Variants in SAMD12 observed in about 807,000 individuals in gnomAD.
SAMD12 encodes sterile alpha motif domain containing 12.
In SAMD12, 9 loss-of-function variants were observed where a neutral mutation model predicts 15.0. That is an observed-to-expected ratio of 0.60 (90% CI 0.36 to 1.05). The LOEUF (loss-of-function observed/expected upper bound fraction) is 1.05, where lower values mean the gene tolerates loss of function less well. Among genes scored for constraint, SAMD12 ranks in the 50% least tolerant of loss-of-function variants. The pLI, the probability that SAMD12 is intolerant of heterozygous loss-of-function variation, is 0.01. For synonymous variants in SAMD12, 86 were observed against 90.1 expected, an observed-to-expected ratio of 0.96 and a Z score of 0.25; for missense variants, 230 against 234.2, an observed-to-expected ratio of 0.98 and a Z score of 0.12.
At chr8:118,609,577 A>G (rs1828059177) in intron 1 of SAMD12, among the ~76,000 whole-genome samples, 1 of 152,192 alleles carries the variant, frequency 6.6e-6, no homozygotes. Flanking sequence ...GCGATTATGT[A>G]TCTACCACTC....
rs540618576 is a variant in SAMD12, at chr8:118,244,499, A to G, written c.434-46767T>C. ...GCCATTGGCTTTTTTAATCACTGGG[A>G]TTTTGAAACATTTGCAGTCCTTTCC... On this transcript the variant is annotated intron_variant, in intron 4 of 4. Transcript: ENST00000409003. Among the ~76,000 whole-genome samples the G allele has an allele frequency of 1.1e-4, 16 of 152,194 alleles. No individual in the cohort carries two copies. The East Asian group carries it at 3.1e-3, about 29-fold the overall frequency.
intron 4 of SAMD12, among the ~76,000 whole-genome samples, chr8:118,240,318 C>T (rs1057077814): frequency 1.8e-4 from 27 of 152,198 alleles, no homozygotes; most frequent in African/African-American, 6.0e-4. Flanking sequence ...TTGTGACTCT[C>T]AGAAACCATG....
At chr8:118,348,081 T>C (rs1038926112) in intron 4 of SAMD12, among the ~76,000 whole-genome samples, 2 of 152,170 alleles carry the variant, frequency 1.3e-5, no homozygotes, top group African/African-American at 4.8e-5. Flanking sequence ...TCATTTTTAT[T>C]TTTTATATTT....
chr8:118,141,376 GT>G, the SAMD12 span, among the ~76,000 whole-genome samples: 1 of 152,186 alleles, frequency 6.6e-6, no homozygotes, highest in African/African-American at 2.4e-5. Flanking sequence ...CTCATTAGAA[GT>G]TTATCAATAA....
chr8:118,172,770 T>C, the SAMD12 span, among the ~76,000 whole-genome samples: 10 of 152,200 alleles, frequency 6.6e-5, no homozygotes, highest in African/African-American at 2.4e-4. Context: ...TAAGAGCACC[T>C]GAGAGCTCCT....
intron 1 of SAMD12, among the ~76,000 whole-genome samples, chr8:118,613,827 A>G (rs74890823): frequency 0.021 from 3,158 of 152,276 alleles, 51 homozygotes; most frequent in Middle Eastern, 0.044. Flanking sequence ...TGATGATCAG[A>G]CAATCAGAGA....
intron 1 of SAMD12, among the ~76,000 whole-genome samples, chr8:118,581,931 C>T (rs898677839): frequency 6.6e-6 from 1 of 152,102 alleles, no homozygotes; most frequent in African/African-American, 2.4e-5. Flanking sequence ...CAGGTCTCCA[C>T]TTCATCAATA....
At position 118,568,129 on chromosome 8, in the gene SAMD12, A is replaced by G. The variant is rs562019988; in HGVS notation, c.192+12586T>C. On this transcript the variant is annotated intron_variant, in intron 2 of 3. Transcript: ENST00000314727. ...AAGAAATTACAAGACAGAATCAGGGATCAGGGGCCTTGGAAGAGAGGACAC... is the reference window on the plus strand; with the variant it reads ...AAGAAATTACAAGACAGAATCAGGGGTCAGGGGCCTTGGAAGAGAGGACAC... Among the ~76,000 whole-genome samples the G allele has an allele frequency of 2.0e-5, 3 of 152,340 alleles. No individual in the cohort carries two copies. In the South Asian group the frequency reaches 6.2e-4, roughly 32 times the overall value.
intron 3 of SAMD12, among the ~76,000 whole-genome samples, chr8:118,405,399 C>T (rs752970009): frequency 5.0e-5 from 7 of 138,886 alleles, no homozygotes; most frequent in Admixed American, 2.2e-4. Context: ...TACTCAACAC[C>T]GATAAATCTG....
intron 3 of SAMD12, chr8:118,394,903 C>T (rs1820477120): frequency 6.6e-6 from 1 of 152,202 alleles, no homozygotes; most frequent in Admixed American, 6.6e-5. Context: ...CTGGCTGGCT[C>T]TCAAAGATGG....
intron 4 of SAMD12, among the ~76,000 whole-genome samples, chr8:118,372,211 T>C (rs1819139572): frequency 6.6e-6 from 1 of 152,274 alleles, no homozygotes; most frequent in African/African-American, 2.4e-5. Context: ...GAAGATTCTC[T>C]TCCTCAGAAG....
chr8:118,546,271 T>A (rs931768161), intron 2 of SAMD12, among the ~76,000 whole-genome samples: 1 of 152,146 alleles, frequency 6.6e-6, no homozygotes, highest in Non-Finnish European at 1.5e-5. Flanking sequence ...GCACTTAGCA[T>A]TAAATGAAGA....
chr8:118,511,684 C>T lies in SAMD12; in HGVS notation c.192+69031G>A, dbSNP rs145116837. 2.0e-4 allele frequency among the ~76,000 whole-genome samples: 31 copies of T among 152,174 alleles called. No homozygotes were observed. The South Asian group carries it at 3.7e-3, about 18-fold the overall frequency. On this transcript the variant is annotated intron_variant, in intron 2 of 3. Transcript: ENST00000314727. ...CCATTAAAAATATTTCTCAACACTA[C>T]GCAACACAAAATCTACAGTGGAATA... is the stretch of plus-strand genomic sequence containing the variant.
At chr8:118,573,432 T>G (rs776185630) in intron 2 of SAMD12, among the ~76,000 whole-genome samples, 1 of 152,202 alleles carries the variant, frequency 6.6e-6, no homozygotes, top group Admixed American at 6.5e-5. Flanking sequence ...TATTTTCTTA[T>G]AGCAATGTGA....
chr8:118,586,348 T>C (rs934541841), intron 1 of SAMD12, among the ~76,000 whole-genome samples: 3 of 151,256 alleles, frequency 2.0e-5, no homozygotes, highest in South Asian at 4.2e-4. Context: ...TTCTTTCTTT[T>C]TTTTTTTTTT....
chr8:118,178,556 C>G, the SAMD12 span, among the ~76,000 whole-genome samples: 268 of 152,200 alleles, frequency 1.8e-3, no homozygotes, highest in African/African-American at 6.1e-3. Flanking sequence ...ACCTCCACCC[C>G]CTGGGTTCAA....
At chr8:118,550,578 C>T (rs62531920) in intron 2 of SAMD12, among the ~76,000 whole-genome samples, 9 of 152,134 alleles carry the variant, frequency 5.9e-5, no homozygotes, top group Non-Finnish European at 1.3e-4. Flanking sequence ...AAAATCATGC[C>T]AAAATGTAAA....
At chr8:118,273,478 T>C (rs564497925) in intron 4 of SAMD12, among the ~76,000 whole-genome samples, 3 of 152,270 alleles carry the variant, frequency 2.0e-5, no homozygotes, top group South Asian at 2.1e-4. Flanking sequence ...ACTTGTGTAA[T>C]AGCAGCTTTT....
At chr8:118,289,614 G>A (rs1156982828) in intron 4 of SAMD12, among the ~76,000 whole-genome samples, 1 of 152,148 alleles carries the variant, frequency 6.6e-6, no homozygotes, top group Non-Finnish European at 1.5e-5. Flanking sequence ...AATCATTTGT[G>A]CTGGCTTCTA....
Sources: gnomAD v4.1 joint callset for allele counts (sites outside exome capture counted in the v4.1 genomes callset) on GRCh38, gnomAD v4.1.1 for gene constraint, MANE v1.5 for transcripts, NCBI Gene and HGNC (gene_info 2026-07-23, HGNC 2026-07-21) for gene names.